The following KIAA1328 variants were observed in gnomAD, a reference collection of about 807,000 sequenced individuals.
The protein encoded by KIAA1328 is KIAA1328, also known as protein hinderin.
In KIAA1328, 52 loss-of-function variants were observed where a neutral mutation model predicts 68.1. The observed-to-expected ratio is 0.76, with a 90% confidence interval of 0.61 to 0.96. The LOEUF is 0.96. Ranked by LOEUF, KIAA1328 falls within the 40% of genes least tolerant of loss-of-function variation. The pLI, the probability that KIAA1328 is intolerant of heterozygous loss-of-function variation, is 0.00. For synonymous variants in KIAA1328, 232 were observed against 239.4 expected, an observed-to-expected ratio of 0.97 and a Z score of 0.28; for missense variants, 641 against 677.6, an observed-to-expected ratio of 0.95 and a Z score of 0.60.
chr18:37,108,650 C>G (rs191877414), intron 7 of KIAA1328, among the ~76,000 whole-genome samples: 205 of 152,280 alleles, frequency 1.3e-3, no homozygotes, highest in Admixed American at 2.2e-3. Flanking sequence ...AGTCTGGTAC[C>G]TGTTCTCTCC....
At chr18:37,072,682 G>T (rs2056577133) in intron 7 of KIAA1328, among the ~76,000 whole-genome samples, 1 of 151,954 alleles carries the variant, frequency 6.6e-6, no homozygotes, top group Non-Finnish European at 1.5e-5. Flanking sequence ...GGATACCTGT[G>T]CAGAGCGTAC....
rs968744574 is a variant in KIAA1328 at position 37,179,632 on chromosome 18, C to T, written c.1523+6551C>T. ...GAGACTGAGAGCCAGGAACTAGGCT[C>T]AGAAGTATCTGAAACCTGGGACCAT... On this transcript the variant is annotated intron_variant, in intron 9 of 9. Coordinates refer to ENST00000280020, the MANE Select transcript of KIAA1328 (RefSeq NM_020776.3). Among the ~76,000 whole-genome samples the T allele has an allele frequency of 5.1e-4, 77 of 152,108 alleles. 3 individuals are homozygous for T.
intron 6 of KIAA1328, among the ~76,000 whole-genome samples, chr18:37,054,544 C>T (rs1186872819): frequency 3.3e-5 from 5 of 152,140 alleles, no homozygotes; most frequent in Non-Finnish European, 5.9e-5. Flanking sequence ...CATTATCCTA[C>T]GCAAATTAAC....
At chr18:37,040,900 G>A (rs964631775) in intron 6 of KIAA1328, among the ~76,000 whole-genome samples, 3 of 151,348 alleles carry the variant, frequency 2.0e-5, no homozygotes, top group African/African-American at 7.3e-5. Context: ...ATAATGATTG[G>A]AGAATATATT....
At chr18:37,109,379 C>T (rs112309822) in intron 7 of KIAA1328, among the ~76,000 whole-genome samples, 2 of 152,294 alleles carry the variant, frequency 1.3e-5, no homozygotes, top group African/African-American at 4.8e-5. Flanking sequence ...TGTTACCCCT[C>T]GTATATGGCA....
chr18:37,127,054 T>G (rs2058410512), intron 7 of KIAA1328, among the ~76,000 whole-genome samples: 1 of 152,148 alleles, frequency 6.6e-6, no homozygotes, highest in Non-Finnish European at 1.5e-5. Context: ...TGACTTCTAT[T>G]CGGCATTGCA....
intron 6 of KIAA1328, among the ~76,000 whole-genome samples, chr18:37,025,528 AGACC>A (rs2054534905): frequency 6.6e-6 from 1 of 152,232 alleles, no homozygotes; most frequent in Non-Finnish European, 1.5e-5. Flanking sequence ...ACTGTCTCTC[AGACC>A]ACAGTGCAAT....
At chr18:36,838,370 T>A (rs1231592981) in intron 3 of KIAA1328, among the ~76,000 whole-genome samples, 2 of 152,212 alleles carry the variant, frequency 1.3e-5, no homozygotes, top group African/African-American at 4.8e-5. Context: ...AATCTACTCA[T>A]GTAGTTACCA....
intron 7 of KIAA1328, among the ~76,000 whole-genome samples, chr18:37,159,535 GA>G (rs1203966868): frequency 6.6e-6 from 1 of 152,152 alleles, no homozygotes. Context: ...CACATCATTA[GA>G]ATATTTTTCC....
chr18:36,880,369 G>C (rs747482348), intron 4 of KIAA1328, among the ~76,000 whole-genome samples: 1 of 152,168 alleles, frequency 6.6e-6, no homozygotes, highest in Non-Finnish European at 1.5e-5. Flanking sequence ...ACCAGTCCCA[G>C]TGAGATGAAT....
intron 7 of KIAA1328, among the ~76,000 whole-genome samples, chr18:37,111,585 C>T (rs780088071): frequency 3.9e-5 from 6 of 152,196 alleles, no homozygotes; most frequent in Non-Finnish European, 7.3e-5. Flanking sequence ...AGGAAAAGCT[C>T]CAGTCTACAG....
At chr18:37,090,570 C>T (rs1304721764) in intron 7 of KIAA1328, among the ~76,000 whole-genome samples, 1 of 152,094 alleles carries the variant, frequency 6.6e-6, no homozygotes, top group East Asian at 1.9e-4. Context: ...TTCTTTCAAC[C>T]TCACATTAGA....
At chr18:36,991,246 T>C (rs2053165446) in intron 6 of KIAA1328, among the ~76,000 whole-genome samples, 1 of 152,190 alleles carries the variant, frequency 6.6e-6, no homozygotes, top group Non-Finnish European at 1.5e-5. Context: ...CATTTTCTCT[T>C]ATGGCTGCAT....
intron 9 of KIAA1328, among the ~76,000 whole-genome samples, chr18:37,177,252 T>C (rs1282826921): frequency 6.6e-6 from 1 of 152,182 alleles, no homozygotes; most frequent in Non-Finnish European, 1.5e-5. Flanking sequence ...GATAGTATCT[T>C]CTGAGATTGC....
chr18:36,946,231 C>A (rs895954582), intron 5 of KIAA1328: 1 of 152,072 alleles, frequency 6.6e-6, no homozygotes, highest in Admixed American at 6.6e-5. Flanking sequence ...TATATGCTTC[C>A]TTCCAAAACA....
In KIAA1328 at chr18:37,067,333, T is replaced by G. The variant is rs370899316; in HGVS notation, c.1020T>G (p.Leu340=). The G allele has an allele frequency of 1.8e-3, 2,874 of 1,613,956 alleles. 2 individuals are homozygous for G. Among genetic ancestry groups the G allele is most frequent in the Non-Finnish European group, 2.0e-3 (2,411 of 1,179,866 alleles). ...CAGAATCATGCAGTTATTGTCGGCTTTCTTGGGCATCTCTGGTGCATGGTG... is the reference window on the plus strand; with the variant it reads ...CAGAATCATGCAGTTATTGTCGGCTGTCTTGGGCATCTCTGGTGCATGGTG... ...THPESCSYCR[L]SWASLVHGGG... The change falls in exon 7 of 10, where the codon CTT becomes CTG. Residue 340 remains leucine (L), a synonymous_variant. Coordinates refer to ENST00000280020, the MANE Select transcript of KIAA1328 (RefSeq NM_020776.3).
intron 5 of KIAA1328, among the ~76,000 whole-genome samples, chr18:36,929,581 C>T (rs2050240301): frequency 6.6e-6 from 1 of 151,942 alleles, no homozygotes; most frequent in Non-Finnish European, 1.5e-5. Flanking sequence ...ATATTAGTGT[C>T]CCCCTAAATT....
intron 6 of KIAA1328, among the ~76,000 whole-genome samples, chr18:37,048,092 T>C (rs1260999284): frequency 2.0e-5 from 3 of 152,212 alleles, no homozygotes; most frequent in Non-Finnish European, 4.4e-5. Flanking sequence ...CCTTCCAAAA[T>C]GTCCAGCATC....
At chr18:37,179,462 T>C (rs962902081) in intron 9 of KIAA1328, among the ~76,000 whole-genome samples, 1 of 152,216 alleles carries the variant, frequency 6.6e-6, no homozygotes, top group African/African-American at 2.4e-5. Flanking sequence ...GTCAACCATA[T>C]GTTTAATGTG....
Sources: gnomAD v4.1 joint callset for allele counts (sites outside exome capture counted in the v4.1 genomes callset) on GRCh38, gnomAD v4.1.1 for gene constraint, MANE v1.5 for transcripts, NCBI Gene and HGNC (gene_info 2026-07-23, HGNC 2026-07-21) for gene names.